Variants in TRIM6 observed in about 807,000 individuals in gnomAD.
The protein encoded by TRIM6 is tripartite motif containing 6.
TRIM6 carries 43 observed loss-of-function variants against 51.2 expected under a neutral mutation model. The ratio of observed to expected loss-of-function variants is 0.84; its 90% confidence interval spans 0.66 to 1.08. TRIM6 has a LOEUF of 1.08. TRIM6 is among the 50% of genes least tolerant of loss of function. TRIM6 has a pLI of 0.00. For synonymous variants in TRIM6, 215 were observed against 232.4 expected, an observed-to-expected ratio of 0.93 and a Z score of 0.68; for missense variants, 669 against 619.0, an observed-to-expected ratio of 1.08 and a Z score of -0.86.
intron 4 of TRIM6, among the ~76,000 whole-genome samples, 167 bp downstream of exon 4, chr11:5,605,734 C>T (rs544213898): frequency 3.3e-5 from 5 of 152,200 alleles, no homozygotes; most frequent in South Asian, 2.1e-4. Flanking sequence ...TGGAGTAAAG[C>T]GTAAGATAAT....
intron 6 of TRIM6, 86 bp from the exon 7 acceptor site, chr11:5,610,449 A>C (rs1848503863): frequency 6.2e-7 from 1 of 1,609,690 alleles, no homozygotes; most frequent in African/African-American, 1.3e-5. Context: ...ATTCCTCACC[A>C]TTCCCCTCAA....
At position 5,610,973 on chromosome 11, in the gene TRIM6, C is replaced by T; in HGVS notation, c.1182C>T (p.Ala394=). ...AGGTAGATGTGGCCAAGAAGACTGC[C>T]TGGATCCTGGGGGTATGCAGCAATT... ...YWEVDVAKKT[A]WILGVCSNSL... Residue 394 remains alanine (A), a synonymous_variant, in exon 8 of 8, where the codon GCC becomes GCT. Coordinates refer to ENST00000380097, the MANE Select transcript of TRIM6 (RefSeq NM_001003818.3). 1 of 1,614,140 alleles carries T rather than the reference C, an allele frequency of 6.2e-7. No homozygotes were observed. The highest frequency in any genetic ancestry group is 1.1e-5 in the South Asian group (1 of 91,074).
At chr11:5,604,797 G>C (rs112828220) in intron 3 of TRIM6, 168 bp downstream of exon 3, 10 of 632,012 alleles carry the variant, frequency 1.6e-5, no homozygotes, top group African/African-American at 1.3e-4. Flanking sequence ...GAGGAGAGGA[G>C]GTAAATAGCA....
chr11:5,604,035 G>A (rs1848042548), intron 2 of TRIM6, among the ~76,000 whole-genome samples: 1 of 152,026 alleles, frequency 6.6e-6, no homozygotes, highest in Non-Finnish European at 1.5e-5. Context: ...TCGCTCTGTC[G>A]CCCAGGTTGG....
chr11:5,596,909 A>G lies in TRIM6; in HGVS notation c.12A>G (p.Ser4=). 3 of 1,614,134 alleles carry G rather than the reference A, an allele frequency of 1.9e-6. No homozygotes were observed. The highest frequency in any genetic ancestry group is 2.5e-6 in the Non-Finnish European group (3 of 1,180,004). The change falls in exon 1 of 8, where the codon TCA becomes TCG. Residue 4 remains serine (S), a synonymous_variant. Coordinates refer to ENST00000380097, the MANE Select transcript of TRIM6 (RefSeq NM_001003818.3). ...TTCTCATTCCCCAGATGTGCGGGTCAGAGAGGTATGTCTACCGTTCTGTTG... is the reference window on the plus strand; with the variant it reads ...TTCTCATTCCCCAGATGTGCGGGTCGGAGAGGTATGTCTACCGTTCTGTTG... MCG[S]ERILQAGNIL...
At chr11:5,606,302 T>C (rs1848204395) in intron 4 of TRIM6, among the ~76,000 whole-genome samples, 1 of 151,860 alleles carries the variant, frequency 6.6e-6, no homozygotes, top group African/African-American at 2.4e-5. Flanking sequence ...GGTCGCAGAT[T>C]ACAAGGTATC....
chr11:5,605,416 G>T lies in TRIM6; in HGVS notation c.683G>T (p.Arg228Leu). ...LRNILDRVEQ[R>L]ELKKLEQEEK... Reference sequence around the variant, plus strand: ...AATATCCTAGACAGAGTGGAGCAACGGGAGCTGAAAAAGCTGGAACAGGAA... The same window carrying T: ...AATATCCTAGACAGAGTGGAGCAACTGGAGCTGAAAAAGCTGGAACAGGAA... Residue 228 changes from arginine (R) to leucine (L), a missense_variant, in exon 4 of 8, where the codon CGG becomes CTG. Transcript: ENST00000380097. 3 of 1,614,144 alleles carry T rather than the reference G, an allele frequency of 1.9e-6. No individual in the cohort carries two copies. In the South Asian group the frequency reaches 3.3e-5, roughly 18 times the overall value.
intron 4 of TRIM6, 146 bp downstream of exon 4, chr11:5,605,713 G>A: frequency 2.0e-6 from 2 of 1,003,730 alleles, no homozygotes; most frequent in Non-Finnish European, 2.8e-6. Context: ...CTATTAAACT[G>A]TTTAGAGGTA....
Position 5,603,270 on chromosome 11 carries a change from A to G in TRIM6, c.42A>G (p.Leu14=). The change falls in exon 2 of 8, where the codon TTA becomes TTG. Residue 14 remains leucine, a synonymous_variant. Coordinates refer to ENST00000380097, the MANE Select transcript of TRIM6 (RefSeq NM_001003818.3). ...SERILQAGNI[L]EIRVGQAGAR... is the part of the protein sequence containing the mutation. ...GGATTCTACAGGCAGGAAACATCTT[A>G]GAAATCAGGGTTGGGCAGGCAGGAG... is the stretch of plus-strand genomic sequence containing the variant. 6.2e-7 allele frequency: 1 copy of G among 1,613,882 alleles called. No individual in the cohort carries two copies. The highest frequency in any genetic ancestry group is 1.1e-5 in the South Asian group (1 of 91,066).
chr11:5,610,673 C>T, intron 7 of TRIM6, 104 bp from the exon 8 acceptor site: 20 of 1,567,212 alleles, frequency 1.3e-5, no homozygotes, highest in Non-Finnish European at 1.6e-5. Context: ...CCATCCCCGC[C>T]ATATAGTTCC....
At chr11:5,607,588 A>AGT (rs1481996769) in intron 4 of TRIM6, among the ~76,000 whole-genome samples, 1 of 152,246 alleles carries the variant, frequency 6.6e-6, no homozygotes, top group East Asian at 1.9e-4. Context: ...TGAGACTAGC[A>AGT]GTGGCAGTGA....
In TRIM6 at chr11:5,610,146, A is replaced by G; in HGVS notation, c.859A>G (p.Ser287Gly). 1 of 1,614,050 alleles carries G rather than the reference A, an allele frequency of 6.2e-7. No homozygotes were observed. ...ACTCAGAAGTCCTGTCCTTTCTAGG[A>G]GTGAGTTCTGGACCCTGAGGAAGCC... ...LQDVSDVTER[S>G]EFWTLRKPEA... The change falls in exon 6 of 8, where the codon AGT becomes GGT. Residue 287 changes from serine to glycine, a missense_variant and splice_region_variant. By Grantham distance (56) the Ser-to-Gly change is moderately conservative (BLOSUM62 0). Coordinates refer to ENST00000380097, the MANE Select transcript of TRIM6 (RefSeq NM_001003818.3).
At chr11:5,607,061 G>A (rs1848258761) in intron 4 of TRIM6, among the ~76,000 whole-genome samples, 3 of 152,046 alleles carry the variant, frequency 2.0e-5, no homozygotes, top group South Asian at 4.2e-4. Flanking sequence ...AAAATTAGCC[G>A]GGCGTGGTGG....
At chr11:5,603,177 G>C in intron 1 of TRIM6, 69 bp from the exon 2 acceptor site, 2 of 1,553,704 alleles carry the variant, frequency 1.3e-6, no homozygotes, top group South Asian at 2.5e-5. Flanking sequence ...CCAGGACTGG[G>C]CAGTCAGTAT....
chr11:5,602,086 C>T (rs1055027944), intron 1 of TRIM6, among the ~76,000 whole-genome samples: 6 of 152,262 alleles, frequency 3.9e-5, no homozygotes, highest in Admixed American at 3.9e-4. Flanking sequence ...TCTCAGATCT[C>T]ATGGAGCTTA....
Position 5,603,542 on chromosome 11 carries a change from T to A in TRIM6, c.314T>A (p.Ile105Lys). ...CGGCCTAATCGGCATCTGGCCAACA[T>A]AGTGAGGCGGCTCAGAGAGGTAGTG... The part of the protein sequence containing the change: ...NLRPNRHLAN[I>K]VRRLREVVLG... The change falls in exon 2 of 8, where the codon ATA becomes AAA. Residue 105 changes from isoleucine to lysine, a missense_variant. Coordinates refer to ENST00000380097, the MANE Select transcript of TRIM6 (RefSeq NM_001003818.3). The A allele has an allele frequency of 1.9e-6, 3 of 1,613,960 alleles. No homozygotes were observed. The highest frequency in any genetic ancestry group is 2.5e-6 in the Non-Finnish European group (3 of 1,180,024).
rs753298201 is a variant in TRIM6, at chr11:5,610,193, G to C, written c.906G>C (p.Leu302=). Residue 302 remains leucine, a synonymous_variant, in exon 6 of 8, where the codon CTG becomes CTC. Transcript: ENST00000380097. ...LRKPEALPTK[L]RSMFRAPDLK... is the part of the protein sequence containing the mutation. The stretch of plus-strand genomic sequence containing the variant: ...AGCCAGAAGCTCTCCCTACAAAGCT[G>C]AGAAGTATGTTCCGAGCCCCAGATC... The C allele has an allele frequency of 3.7e-6, 6 of 1,614,162 alleles. No homozygotes were observed. Among genetic ancestry groups the C allele is most frequent in the Non-Finnish European group, 1.7e-6 (2 of 1,180,028 alleles).
At chr11:5,605,770 C>G (rs562306370) in intron 4 of TRIM6, among the ~76,000 whole-genome samples, 1 of 152,220 alleles carries the variant, frequency 6.6e-6, no homozygotes, top group South Asian at 2.1e-4. Flanking sequence ...AAGGGAAAGT[C>G]CCATTTTTAT....
At position 5,605,389 on chromosome 11, in the gene TRIM6, G is replaced by A. The variant is rs375793836; in HGVS notation, c.656G>A (p.Arg219Gln). ...ATCCAGACAGAGTTTAATCAGCTGCGAAATATCCTAGACAGAGTGGAGCAA... is the reference window on the plus strand; with the variant it reads ...ATCCAGACAGAGTTTAATCAGCTGCAAAATATCCTAGACAGAGTGGAGCAA... ...CRIQTEFNQL[R>Q]NILDRVEQRE... is the part of the protein sequence containing the mutation. The change falls in exon 4 of 8, where the codon CGA (arginine) becomes CAA (glutamine). Residue 219 changes from arginine to glutamine, a missense_variant. Arg to Gln is a conservative substitution (Grantham distance 43). Transcript: ENST00000380097. 27 of 1,614,028 alleles carry A rather than the reference G, an allele frequency of 1.7e-5. No homozygotes were observed. Among genetic ancestry groups the A allele is most frequent in the African/African-American group, 9.3e-5 (7 of 74,924 alleles).
Sources: gnomAD v4.1 joint callset for allele counts (sites outside exome capture counted in the v4.1 genomes callset) on GRCh38, gnomAD v4.1.1 for gene constraint, MANE v1.5 for transcripts, NCBI Gene and HGNC (gene_info 2026-07-23, HGNC 2026-07-21) for gene names.